Variants in SUGCT observed in about 807,000 individuals in gnomAD.
SUGCT encodes succinyl-CoA:glutarate CoA-transferase.
SUGCT carries 41 observed loss-of-function variants against 55.0 expected under a neutral mutation model. The ratio of observed to expected loss-of-function variants is 0.74; its 90% CI spans 0.58 to 0.97. The LOEUF (loss-of-function observed/expected upper bound fraction) is 0.97, where lower values mean the gene tolerates loss of function less well. Among genes scored for constraint, SUGCT ranks in the 50% least tolerant of loss-of-function variants. SUGCT has a pLI of 0.00. For synonymous variants in SUGCT, 187 were observed against 200.4 expected (o/e 0.93, Z 0.56); for missense variants, 568 against 547.8 (o/e 1.04, Z -0.37).
chr7:40,306,685 A>T (rs10225598), intron 8 of SUGCT, among the ~76,000 whole-genome samples: 143,875 of 152,240 alleles, frequency 0.95, 68,515 homozygotes, highest in East Asian at 1. Context: ...CACTTGAAAC[A>T]GAAGACTTGC....
chr7:40,531,934 A>G (rs1189618760), intron 12 of SUGCT, among the ~76,000 whole-genome samples: 6 of 152,188 alleles, frequency 3.9e-5, no homozygotes, highest in Non-Finnish European at 8.8e-5. Context: ...TCGGCCTCCC[A>G]AAGTGCTGGG....
At chr7:40,285,639 T>C (rs563820874) in intron 8 of SUGCT, among the ~76,000 whole-genome samples, 1 of 152,152 alleles carries the variant, frequency 6.6e-6, no homozygotes, top group Non-Finnish European at 1.5e-5. Flanking sequence ...CCAACTATTA[T>C]GCCATCATTG....
intron 11 of SUGCT, among the ~76,000 whole-genome samples, chr7:40,464,454 A>G (rs1789989867): frequency 6.6e-6 from 1 of 152,220 alleles, no homozygotes; most frequent in Non-Finnish European, 1.5e-5. Context: ...CTTGAGGGAC[A>G]AACAGAATTA....
intron 12 of SUGCT, among the ~76,000 whole-genome samples, chr7:40,557,082 C>A (rs1795594838): frequency 6.6e-6 from 1 of 152,094 alleles, no homozygotes; most frequent in African/African-American, 2.4e-5. Flanking sequence ...TTCCAAATTG[C>A]AAAATTTACT....
Position 40,460,471 on chromosome 7 carries a change from C to A in SUGCT, c.986+1273C>A, listed in dbSNP as rs989196596. ...TCTTTTTGCCTCTCTGCCTCTCAAGCATTTGTAATTCATATAATTAATTGA... is the reference window on the plus strand; with the variant it reads ...TCTTTTTGCCTCTCTGCCTCTCAAGAATTTGTAATTCATATAATTAATTGA... On this transcript the variant is annotated intron_variant, in intron 11 of 13. Transcript: ENST00000335693. Among the ~76,000 whole-genome samples the A allele has an allele frequency of 3.3e-5, 5 of 152,310 alleles. No individual in the cohort carries two copies. The South Asian group carries it at 1.0e-3, about 32-fold the overall frequency.
intron 11 of SUGCT, among the ~76,000 whole-genome samples, chr7:40,461,182 C>A (rs367636243): frequency 1.3e-5 from 2 of 152,270 alleles, no homozygotes; most frequent in South Asian, 4.2e-4. Context: ...ATAAGCTTAT[C>A]ATTTATTTTT....
chr7:40,720,490 T>G (rs942088338), intron 12 of SUGCT, among the ~76,000 whole-genome samples: 2 of 152,218 alleles, frequency 1.3e-5, no homozygotes, highest in African/African-American at 4.8e-5. Flanking sequence ...GTGAGGCCTC[T>G]GTAGACTCTT....
chr7:40,725,512 G>A (rs903049596), intron 12 of SUGCT, among the ~76,000 whole-genome samples: 5 of 151,280 alleles, frequency 3.3e-5, no homozygotes, highest in Non-Finnish European at 5.9e-5. Flanking sequence ...TACCTATTAC[G>A]TAGGTGGCCA....
intron 9 of SUGCT, among the ~76,000 whole-genome samples, chr7:40,348,845 T>C (rs1797464300): frequency 6.6e-6 from 1 of 152,154 alleles, no homozygotes; most frequent in South Asian, 2.1e-4. Context: ...TTTTGACTTC[T>C]CAGTTAGTGC....
intron 12 of SUGCT, among the ~76,000 whole-genome samples, chr7:40,564,388 A>AAAAT (rs1333795608): frequency 6.6e-6 from 1 of 152,242 alleles, no homozygotes; most frequent in Non-Finnish European, 1.5e-5. Flanking sequence ...CCGTCTCAAA[A>AAAAT]AAATAAATAA....
At chr7:40,429,653 CTT>C (rs979030119) in intron 9 of SUGCT, among the ~76,000 whole-genome samples, 31 of 152,172 alleles carry the variant, frequency 2.0e-4, no homozygotes, top group African/African-American at 7.0e-4. Flanking sequence ...CTTCTGCCTG[CTT>C]TTATCCTAGC....
At chr7:40,519,174 T>G (rs1793400495) in intron 12 of SUGCT, among the ~76,000 whole-genome samples, 1 of 152,028 alleles carries the variant, frequency 6.6e-6, no homozygotes, top group Non-Finnish European at 1.5e-5. Context: ...CCATAAAATA[T>G]CTGTTCACAA....
chr7:40,336,120 G>C (rs185121392), intron 9 of SUGCT, among the ~76,000 whole-genome samples: 11 of 152,172 alleles, frequency 7.2e-5, no homozygotes, highest in African/African-American at 2.4e-4. Flanking sequence ...GGTGGATAAG[G>C]TTTTTGATGT....
At chr7:40,976,025 C>A in the SUGCT span, among the ~76,000 whole-genome samples, 1 of 152,200 alleles carries the variant, frequency 6.6e-6, no homozygotes, top group Non-Finnish European at 1.5e-5. Flanking sequence ...ATATCCCTCC[C>A]ACCCTTTGTG....
intron 12 of SUGCT, among the ~76,000 whole-genome samples, chr7:40,522,461 T>C (rs562458000): frequency 1.3e-5 from 2 of 152,246 alleles, no homozygotes; most frequent in African/African-American, 4.8e-5. Flanking sequence ...TCTCTTTTTA[T>C]CCTTACAGTT....
chr7:40,760,198 T>C (rs1788462394), intron 13 of SUGCT, among the ~76,000 whole-genome samples: 1 of 152,214 alleles, frequency 6.6e-6, no homozygotes, highest in Non-Finnish European at 1.5e-5. Flanking sequence ...GACCTGGGGC[T>C]GGTTTTATTT....
chr7:40,760,567 C>A (rs776199706), intron 13 of SUGCT, among the ~76,000 whole-genome samples: 1 of 151,990 alleles, frequency 6.6e-6, no homozygotes, highest in Non-Finnish European at 1.5e-5. Flanking sequence ...CTAAAGTGTA[C>A]GCTTAAAAAT....
At chr7:40,925,943 A>C in the SUGCT span, among the ~76,000 whole-genome samples, 2 of 152,042 alleles carry the variant, frequency 1.3e-5, no homozygotes, top group Admixed American at 1.3e-4. Flanking sequence ...AAAATCCAAG[A>C]ATTATCCAGG....
At chr7:40,195,207 ACTTTTTT>A (rs1425979174) in intron 6 of SUGCT, 147 bp downstream of exon 6, 14 of 721,404 alleles carry the variant, frequency 1.9e-5, no homozygotes, top group Admixed American at 3.7e-5. Context: ...TGCTGAACTT[ACTTTTTT>A]CTTTTTTCTT....
Sources: gnomAD v4.1 joint callset for allele counts (sites outside exome capture counted in the v4.1 genomes callset) on GRCh38, gnomAD v4.1.1 for gene constraint, MANE v1.5 for transcripts, NCBI Gene and HGNC (gene_info 2026-07-23, HGNC 2026-07-21) for gene names.